The following ARFGEF3 variants were observed in gnomAD, a reference collection of about 807,000 sequenced individuals.
The protein encoded by ARFGEF3 is ARFGEF family member 3, also known as brefeldin A-inhibited guanine nucleotide-exchange protein 3.
In ARFGEF3, 96 loss-of-function variants were observed where a neutral mutation model predicts 221.7. The ratio of observed to expected loss-of-function variants is 0.43; its 90% CI spans 0.37 to 0.51. ARFGEF3 has a LOEUF of 0.51. Ranked by LOEUF, ARFGEF3 falls within the 20% of genes least tolerant of loss-of-function variation. The pLI, the probability that ARFGEF3 is intolerant of heterozygous loss-of-function variation, is 0.00. For synonymous variants in ARFGEF3, 1,145 were observed against 1,126.8 expected (o/e 1.02, Z -0.32); for missense variants, 2,410 against 2,789.9 (o/e 0.86, Z 3.07).
chr6:138,278,572 C>T lies in ARFGEF3; in HGVS notation c.2250C>T (p.His750=), dbSNP rs761887671. 62 of 1,613,876 alleles carry T rather than the reference C, an allele frequency of 3.8e-5. No homozygotes were observed. Among genetic ancestry groups the T allele is most frequent in the East Asian group, 1.3e-4 (6 of 44,886 alleles). The change falls in exon 13 of 34, where the codon CAC becomes CAT. Residue 750 remains histidine, a synonymous_variant. Coordinates refer to ENST00000251691, the MANE Select transcript of ARFGEF3 (RefSeq NM_020340.5). ...TGCTCCTCAACCTGAAGCTCTCCCA[C>T]GGTGACTACTACAGGAAGCGGCCGA... is the stretch of plus-strand genomic sequence containing the variant. The part of the protein sequence containing the change: ...CALLLNLKLS[H]GDYYRKRPTL...
At chr6:138,214,545 T>C (rs998950245) in intron 4 of ARFGEF3, among the ~76,000 whole-genome samples, 11 of 152,226 alleles carry the variant, frequency 7.2e-5, no homozygotes, top group Non-Finnish European at 1.3e-4. Flanking sequence ...GTGTTATTTT[T>C]TAGAAGTTAG....
chr6:138,177,113 A>G (rs1776967715), intron 2 of ARFGEF3, among the ~76,000 whole-genome samples: 1 of 149,382 alleles, frequency 6.7e-6, no homozygotes, highest in South Asian at 2.1e-4. Flanking sequence ...TTTTTGAGAC[A>G]CGGTCATGCT....
chr6:138,286,786 G>A lies in ARFGEF3; in HGVS notation c.2655G>A (p.Ala885=), dbSNP rs760353560. The A allele has an allele frequency of 1.5e-5, 25 of 1,614,030 alleles. No homozygotes were observed. Among genetic ancestry groups the A allele is most frequent in the Non-Finnish European group, 2.0e-5 (24 of 1,179,894 alleles). The change falls in exon 16 of 34, where the codon GCG becomes GCA. Residue 885 remains alanine (A), a synonymous_variant. Coordinates refer to ENST00000251691, the MANE Select transcript of ARFGEF3 (RefSeq NM_020340.5). ...CAACCCCACTGACTGGTCGAATGGC[G>A]GGGAGCTCCAAAGGGCTGGCCTTCA... is the stretch of plus-strand genomic sequence containing the variant. ...TLSTPLTGRM[A]GSSKGLAFIL...
chr6:138,326,225 A>G (rs1780124841), intron 31 of ARFGEF3, among the ~76,000 whole-genome samples: 1 of 152,142 alleles, frequency 6.6e-6, no homozygotes, highest in Non-Finnish European at 1.5e-5. Context: ...ATTCACTCTT[A>G]AAATAACTCA....
At chr6:138,198,972 G>T (rs1777484177) in intron 2 of ARFGEF3, among the ~76,000 whole-genome samples, 1 of 152,236 alleles carries the variant, frequency 6.6e-6, no homozygotes, top group Admixed American at 6.5e-5. Context: ...AGGCATGGCA[G>T]CACATGCCTG....
intron 32 of ARFGEF3, among the ~76,000 whole-genome samples, chr6:138,332,858 G>A (rs952680876): frequency 6.6e-6 from 1 of 152,202 alleles, no homozygotes; most frequent in East Asian, 1.9e-4. Context: ...CATCTTGAGA[G>A]TAATGTGTTT....
At chr6:138,308,617 A>G in intron 23 of ARFGEF3, 122 bp from the exon 24 acceptor site, 1 of 1,088,264 alleles carries the variant, frequency 9.2e-7, no homozygotes, top group South Asian at 1.5e-5. Context: ...AAACCCAGGC[A>G]TCTCCCCAGT....
In ARFGEF3 at chr6:138,220,813, C is replaced by T. The variant is rs73774691; in HGVS notation, c.352-8971C>T. ...GTAACTGACCAATCCAGTTTGTTCT[C>T]CATAAGGGTTGGAATTAGTAGATCT... On this transcript the variant is annotated intron_variant, in intron 4 of 33. Coordinates refer to ENST00000251691, the MANE Select transcript of ARFGEF3 (RefSeq NM_020340.5). Among the ~76,000 whole-genome samples, 1,410 of 152,316 alleles carry T rather than the reference C, an allele frequency of 9.3e-3. 17 individuals are homozygous for T. The highest frequency in any genetic ancestry group is 0.031 in the African/African-American group (1,299 of 41,572).
At chr6:138,167,042 A>G (rs952849848) in intron 1 of ARFGEF3, among the ~76,000 whole-genome samples, 1 of 152,244 alleles carries the variant, frequency 6.6e-6, no homozygotes, top group African/African-American at 2.4e-5. Flanking sequence ...GAACAGTAAC[A>G]TACAGCCATT....
At chr6:138,331,496 C>G (rs1780226737) in intron 32 of ARFGEF3, among the ~76,000 whole-genome samples, 1 of 152,328 alleles carries the variant, frequency 6.6e-6, no homozygotes, top group South Asian at 2.1e-4. Flanking sequence ...CAGATTACAG[C>G]ATTTAAATAG....
At chr6:138,308,651 A>G in intron 23 of ARFGEF3, 88 bp from the exon 24 acceptor site, 1 of 1,394,008 alleles carries the variant, frequency 7.2e-7, no homozygotes, top group Non-Finnish European at 1.0e-6. Context: ...GATCTGTCTC[A>G]GTGGAACGTG....
intron 19 of ARFGEF3, 54 bp from the exon 20 acceptor site, chr6:138,293,939 A>G: frequency 6.3e-7 from 1 of 1,581,690 alleles, no homozygotes; most frequent in East Asian, 2.2e-5. Flanking sequence ...ATTCTGCCAT[A>G]AAGACCTTGC....
At chr6:138,192,760 C>T (rs1433360132) in intron 2 of ARFGEF3, among the ~76,000 whole-genome samples, 1 of 152,196 alleles carries the variant, frequency 6.6e-6, no homozygotes, top group Non-Finnish European at 1.5e-5. Context: ...AACATAGCTT[C>T]TTATCAGATC....
chr6:138,289,943 C>A lies in ARFGEF3; in HGVS notation c.3022C>A (p.Pro1008Thr), dbSNP rs1400330560. 1 of 1,613,462 alleles carries A rather than the reference C, an allele frequency of 6.2e-7. No homozygotes were observed. The highest frequency in any genetic ancestry group is 1.1e-5 in the South Asian group (1 of 90,938). The change falls in exon 18 of 34, where the codon CCG becomes ACG. Residue 1008 changes from proline (P) to threonine (T), a missense_variant. By Grantham distance (38) the Pro-to-Thr change is conservative. This residue lies in a region of ARFGEF3 where 594 missense variants were observed against 734.3 expected (regional missense o/e 0.81). Coordinates refer to ENST00000251691, the MANE Select transcript of ARFGEF3 (RefSeq NM_020340.5). ...SVGLEMGSHN[P>T]DCWPHVFRVC... ...AGGCCTGGAGATGGGAAGCCACAAC[C>A]CGGACTGCTGGCCACACGTGTTCAG...
chr6:138,240,986 C>T (rs1226095957), intron 6 of ARFGEF3, among the ~76,000 whole-genome samples: 1 of 151,982 alleles, frequency 6.6e-6, no homozygotes, highest in African/African-American at 2.4e-5. Flanking sequence ...TTTTTTATGC[C>T]AAAGGGAAGG....
chr6:138,162,368 T>C lies in ARFGEF3; in HGVS notation c.85+197T>C, dbSNP rs1776635287. ...GACATCAGCCGCCTCCCCTCCGGTC[T>C]CTTTCACTCTCCGAAACCTTCCTCG... On this transcript the variant is annotated intron_variant, in intron 1 of 33. Transcript: ENST00000251691. This position sits in a 1 kb window ranked among gnomAD's most constrained non-coding sequence, Gnocchi z 4.7. Among the ~76,000 whole-genome samples the C allele has an allele frequency of 6.6e-6, 1 of 152,184 alleles. No individual in the cohort carries two copies. Among genetic ancestry groups the C allele is most frequent in the Non-Finnish European group, 1.5e-5 (1 of 68,024 alleles).
rs143213476 is a variant in ARFGEF3, at chr6:138,303,671, C to T, written c.3829-3582C>T. 8.3e-3 allele frequency among the ~76,000 whole-genome samples: 1,254 copies of T among 151,628 alleles called. 24 individuals carry two copies. Among genetic ancestry groups the T allele is most frequent in the African/African-American group, 0.03 (1,226 of 41,332 alleles). On this transcript the variant is annotated intron_variant, in intron 22 of 33. Coordinates refer to ENST00000251691, the MANE Select transcript of ARFGEF3 (RefSeq NM_020340.5). ...TACAAAAATTAGCTGCGTGTGGTGGCGCACGCTGTAGTCCCAGCTACTCGG... is the reference window on the plus strand; with the variant it reads ...TACAAAAATTAGCTGCGTGTGGTGGTGCACGCTGTAGTCCCAGCTACTCGG...
chr6:138,209,133 A>G lies in ARFGEF3; in HGVS notation c.220-777A>G, dbSNP rs149487225. Reference sequence around the variant, plus strand: ...GGGGGATGCATTTTCTGATGGGGACATACATGAAGATTTCTGGATTCCTAA... The same window carrying G: ...GGGGGATGCATTTTCTGATGGGGACGTACATGAAGATTTCTGGATTCCTAA... On this transcript the variant is annotated intron_variant, in intron 3 of 33. Transcript: ENST00000251691. Among the ~76,000 whole-genome samples, 924 of 152,318 alleles carry G rather than the reference A, an allele frequency of 6.1e-3. 5 individuals are homozygous for G. Among genetic ancestry groups the G allele is most frequent in the Admixed American group, 0.012 (188 of 15,304 alleles).
chr6:138,259,375 T>C (rs1356977834), intron 10 of ARFGEF3, among the ~76,000 whole-genome samples: 1 of 152,212 alleles, frequency 6.6e-6, no homozygotes, highest in Non-Finnish European at 1.5e-5. Flanking sequence ...CAGCCCCTTT[T>C]CTGCTTCTGA....
Sources: allele counts gnomAD v4.1 joint callset (sites outside exome capture counted in the v4.1 genomes callset), GRCh38; gene constraint gnomAD v4.1.1; regional missense constraint gnomAD v4.1.1; non-coding constraint Gnocchi (gnomAD v3.1); transcripts MANE v1.5; gene names NCBI Gene and HGNC (gene_info 2026-07-23, HGNC 2026-07-21).